PCDHA11: variants seen among roughly 807,000 people sequenced by gnomAD.
PCDHA11 encodes the protein protocadherin alpha 11.
A neutral mutation model predicts 70.3 loss-of-function variants in PCDHA11; 61 were observed. The observed-to-expected ratio is 0.87, with a 90% CI of 0.71 to 1.07. The LOEUF is 1.07. Among genes scored for constraint, PCDHA11 ranks in the 50% least tolerant of loss-of-function variants. PCDHA11 has a pLI of 0.00. For synonymous variants in PCDHA11, 633 were observed against 555.1 expected (o/e 1.14, Z -1.97); for missense variants, 1,324 against 1,237.5 (o/e 1.07, Z -1.05).
At chr5:141,000,011 C>T (rs548995159) in intron 3 of PCDHA11, among the ~76,000 whole-genome samples, 1 of 152,166 alleles carries the variant, frequency 6.6e-6, no homozygotes, top group East Asian at 1.9e-4. Flanking sequence ...TTGGCCTCCC[C>T]ATTGCTAAGC....
At chr5:140,876,916 G>A (rs2056692894) in intron 1 of PCDHA11, 3 of 1,613,960 alleles carry the variant, frequency 1.9e-6, no homozygotes, top group Non-Finnish European at 2.5e-6. Flanking sequence ...GGCATGGGAC[G>A]CGGACGCGCA....
chr5:140,885,925 T>A lies in PCDHA11; in HGVS notation c.2391+14431T>A, dbSNP rs1431219397. The stretch of plus-strand genomic sequence containing the variant: ...CTGTACCTTATAGATATTAACTGTT[T>A]ATCTATTTTTTGACATTTTTAATTA... On this transcript the variant is annotated intron_variant, in intron 1 of 3. Coordinates refer to ENST00000398640, the MANE Select transcript of PCDHA11 (RefSeq NM_018902.5). 2.0e-5 allele frequency among the ~76,000 whole-genome samples: 3 copies of A among 151,896 alleles called. No homozygotes were observed. In the East Asian group the frequency reaches 5.8e-4, roughly 29 times the overall value.
intron 1 of PCDHA11, among the ~76,000 whole-genome samples, chr5:140,893,595 T>C (rs13187419): frequency 0.05 from 7,691 of 152,298 alleles, 276 homozygotes; most frequent in Non-Finnish European, 0.072. Context: ...GGAAATACTT[T>C]ATTTCTCCTT....
chr5:140,933,413 T>A (rs2089136962), intron 1 of PCDHA11, among the ~76,000 whole-genome samples: 3 of 152,056 alleles, frequency 2.0e-5, no homozygotes, highest in Non-Finnish European at 4.4e-5. Flanking sequence ...TCTACAGATA[T>A]TCTGTGTTCA....
chr5:140,870,969 C>T lies in PCDHA11; in HGVS notation c.1866C>T (p.Arg622=). The T allele has an allele frequency of 1.2e-6, 2 of 1,613,644 alleles. No individual in the cohort carries two copies. The highest frequency in any genetic ancestry group is 1.7e-6 in the Non-Finnish European group (2 of 1,179,882). Residue 622 remains arginine (R), a synonymous_variant, in exon 1 of 4, where the codon CGC becomes CGT. Transcript: ENST00000398640. ...PAAGGSRIPF[R]VGLYTGEIST... ...CGGGCGGCTCGCGCATCCCGTTCCG[C>T]GTGGGGCTGTACACGGGCGAGATAA...
At position 140,950,241 on chromosome 5, in the gene PCDHA11, G is replaced by A. The variant is rs191139851; in HGVS notation, c.2392-28708G>A. 3.8e-4 allele frequency among the ~76,000 whole-genome samples: 58 copies of A among 152,014 alleles called. 1 individual carries two copies. The highest frequency in any genetic ancestry group is 6.8e-3 in the Middle Eastern group (2 of 294). On this transcript the variant is annotated intron_variant, in intron 1 of 3. Coordinates refer to ENST00000398640, the MANE Select transcript of PCDHA11 (RefSeq NM_018902.5). The stretch of plus-strand genomic sequence containing the variant: ...TTACCATTTCTAGTGCCATTAATTT[G>A]TTCCTAAAGAGCTGAGTTTATCCAT...
intron 1 of PCDHA11, among the ~76,000 whole-genome samples, chr5:140,906,640 G>A (rs1465278194): frequency 6.6e-6 from 1 of 152,210 alleles, no homozygotes; most frequent in African/African-American, 2.4e-5. Context: ...ACCTCAGCAG[G>A]TAGTGGTTTT....
chr5:140,972,515 G>A (rs572041832), intron 1 of PCDHA11, among the ~76,000 whole-genome samples: 1 of 152,166 alleles, frequency 6.6e-6, no homozygotes, highest in South Asian at 2.1e-4. Flanking sequence ...TTTACCCCCA[G>A]TGAGCTTATT....
At chr5:141,008,410 A>G (rs782459591) in intron 3 of PCDHA11, among the ~76,000 whole-genome samples, 33 of 152,184 alleles carry the variant, frequency 2.2e-4, no homozygotes, top group Non-Finnish European at 3.7e-4. Context: ...TTCCAATGTC[A>G]TGGCCACTGG....
At chr5:140,955,522 C>A (rs1467341493) in intron 1 of PCDHA11, among the ~76,000 whole-genome samples, 5 of 152,180 alleles carry the variant, frequency 3.3e-5, no homozygotes, top group African/African-American at 1.2e-4. Context: ...GCTTTCCCTT[C>A]CACCATGATT....
At chr5:140,956,314 G>C (rs1262942129) in intron 1 of PCDHA11, among the ~76,000 whole-genome samples, 2 of 152,036 alleles carry the variant, frequency 1.3e-5, no homozygotes, top group Admixed American at 6.6e-5. Context: ...ATTATTTTGA[G>C]ATATGTTCCT....
chr5:140,872,792 G>T (rs1474880199), intron 1 of PCDHA11, among the ~76,000 whole-genome samples: 1 of 152,054 alleles, frequency 6.6e-6, no homozygotes, highest in African/African-American at 2.4e-5. Context: ...ATGCTAGTTG[G>T]CATTCTTCCA....
intron 1 of PCDHA11, among the ~76,000 whole-genome samples, chr5:140,938,727 GA>G (rs2092176789): frequency 6.6e-6 from 1 of 151,904 alleles, no homozygotes; most frequent in Admixed American, 6.6e-5. Flanking sequence ...CGTTTCTACA[GA>G]AAAAAATAAT....
intron 1 of PCDHA11, among the ~76,000 whole-genome samples, chr5:140,913,742 T>C (rs2153527691): frequency 6.6e-6 from 1 of 152,276 alleles, no homozygotes; most frequent in Non-Finnish European, 1.5e-5. Flanking sequence ...ATAGTACTCC[T>C]TTTGTTGTAT....
chr5:141,011,553 G>T lies in PCDHA11; in HGVS notation c.*1616G>T, dbSNP rs1191049531. The T allele has an allele frequency of 6.5e-6, 1 of 153,640 alleles. No homozygotes were observed. The highest frequency in any genetic ancestry group is 1.5e-5 in the Non-Finnish European group (1 of 68,008). The allele number at this position is 153,640 out of a possible 1,614,324, so 9.5% of individuals were successfully genotyped here. Reference sequence around the variant, plus strand: ...TGTTAATCAGCTTTTGTGTATGAAAGACACAGTAAAATTTCTTTCTTAAAT... The same window carrying T: ...TGTTAATCAGCTTTTGTGTATGAAATACACAGTAAAATTTCTTTCTTAAAT... On this transcript the variant is annotated 3_prime_UTR_variant, in exon 4 of 4. Transcript: ENST00000398640.
chr5:140,886,401 A>G (rs2060965059), intron 1 of PCDHA11, among the ~76,000 whole-genome samples: 1 of 152,174 alleles, frequency 6.6e-6, no homozygotes, highest in African/African-American at 2.4e-5. Flanking sequence ...TGCATCACAA[A>G]TATGTTTTCC....
At chr5:140,882,755 G>T in intron 1 of PCDHA11, 1 of 1,614,230 alleles carries the variant, frequency 6.2e-7, no homozygotes, top group Non-Finnish European at 8.5e-7. Flanking sequence ...TGCAGATATT[G>T]GAGTAAACTC....
chr5:140,972,295 G>A (rs551210883), intron 1 of PCDHA11, among the ~76,000 whole-genome samples: 2 of 151,388 alleles, frequency 1.3e-5, no homozygotes, highest in South Asian at 2.1e-4. Context: ...GTGCGCCACC[G>A]TGTCTGACTA....
chr5:140,870,493 AAGG>A lies in PCDHA11; in HGVS notation c.1393_1395del (p.Glu465del). On this transcript the variant is annotated inframe_deletion, in exon 1 of 4. Transcript: ENST00000398640. ...ACAGCCCGAGTACACCGTGTTCGTGAAGGAGAACAACCCACCAGGCTGCCACAT... is the reference window on the plus strand; with the variant it reads ...ACAGCCCGAGTACACCGTGTTCGTGAAGAACAACCCACCAGGCTGCCACAT... 1 of 1,614,214 alleles carries A rather than the reference AAGG, an allele frequency of 6.2e-7. No homozygotes were observed. The highest frequency in any genetic ancestry group is 8.5e-7 in the Non-Finnish European group (1 of 1,180,036).
Sources: gnomAD v4.1 joint callset for allele counts (sites outside exome capture counted in the v4.1 genomes callset) on GRCh38, gnomAD v4.1.1 for gene constraint, MANE v1.5 for transcripts, NCBI Gene and HGNC (gene_info 2026-07-23, HGNC 2026-07-21) for gene names.